NCK2: variants seen among roughly 807,000 people sequenced by gnomAD.
NCK2 encodes the protein cytoplasmic protein NCK2.
In NCK2, 16 loss-of-function variants were observed where a neutral mutation model predicts 33.9. The observed-to-expected ratio is 0.47, with a 90% CI of 0.32 to 0.72. NCK2 has a LOEUF of 0.72. Ranked by LOEUF, NCK2 falls within the 30% of genes least tolerant of loss-of-function variation. The pLI is 0.03. For synonymous variants in NCK2, 273 were observed against 239.9 expected (o/e 1.14, Z -1.27); for missense variants, 418 against 537.3 (o/e 0.78, Z 2.19).
At chr2:105,871,062 G>A (rs1055206755) in intron 3 of NCK2, among the ~76,000 whole-genome samples, 3 of 152,144 alleles carry the variant, frequency 2.0e-5, no homozygotes, top group African/African-American at 7.2e-5. Context: ...GGAGGTGCCT[G>A]TCACTGCAGA....
intron 4 of NCK2, among the ~76,000 whole-genome samples, chr2:105,884,055 C>T (rs970728087): frequency 4.4e-4 from 67 of 152,232 alleles, no homozygotes; most frequent in Non-Finnish European, 7.4e-5. Context: ...AGTGTGCATG[C>T]CTTGTTCCAT....
At chr2:105,889,095 G>A (rs1678852317) in intron 4 of NCK2, among the ~76,000 whole-genome samples, 1 of 152,228 alleles carries the variant, frequency 6.6e-6, no homozygotes, top group South Asian at 2.1e-4. Context: ...TGATGGAGTT[G>A]CTTTCATGGG....
intron 2 of NCK2, among the ~76,000 whole-genome samples, chr2:105,837,892 T>C (rs915151685): frequency 4.0e-4 from 61 of 152,246 alleles, no homozygotes; most frequent in African/African-American, 1.4e-3. Context: ...TGACTGTGTA[T>C]TTTGCCTGCT....
intron 1 of NCK2, among the ~76,000 whole-genome samples, chr2:105,754,634 T>TG (rs1573553781): frequency 6.6e-6 from 1 of 151,868 alleles, no homozygotes; most frequent in African/African-American, 2.4e-5. Context: ...TGTGGGAGGT[T>TG]GGGGGGAGCT....
At chr2:105,876,077 A>G (rs1678224793) in intron 3 of NCK2, among the ~76,000 whole-genome samples, 1 of 152,174 alleles carries the variant, frequency 6.6e-6, no homozygotes, top group South Asian at 2.1e-4. Context: ...ATGCTGCTTC[A>G]TCTAATACAC....
chr2:105,850,955 G>A (rs952565920), intron 2 of NCK2, among the ~76,000 whole-genome samples: 27 of 152,150 alleles, frequency 1.8e-4, no homozygotes, highest in Non-Finnish European at 3.4e-4. Context: ...AAGAAACAGC[G>A]TCCAAGGGAT....
chr2:105,823,132 C>CTGTGTGTG (rs10610689), intron 2 of NCK2, among the ~76,000 whole-genome samples: 2,307 of 148,570 alleles, frequency 0.016, 27 homozygotes, highest in South Asian at 0.031. Context: ...TCCTCTCATG[C>CTGTGTGTG]TGTGTGTGTG....
At chr2:105,857,047 T>TTTTTTTTTTA (rs1553460690) in intron 3 of NCK2, 9 of 130,764 alleles carry the variant, frequency 6.9e-5, no homozygotes, top group South Asian at 2.4e-4. Context: ...TTTTTTTTTT[T>TTTTTTTTTTA]TTGTATTTAC....
At chr2:105,892,953 G>C (rs780958750) in intron 4 of NCK2, 29 bp from the exon 5 acceptor site, 5 of 1,584,012 alleles carry the variant, frequency 3.2e-6, no homozygotes. Context: ...CTGTGGCCCG[G>C]CTGTAACTGT....
intron 1 of NCK2, among the ~76,000 whole-genome samples, chr2:105,791,025 C>T (rs537934112): frequency 2.6e-5 from 4 of 152,188 alleles, no homozygotes; most frequent in African/African-American, 9.6e-5. Flanking sequence ...AGAGGTTGTC[C>T]GCTCCCACTC....
At chr2:105,790,856 G>C (rs1193307234) in intron 1 of NCK2, among the ~76,000 whole-genome samples, 4 of 152,200 alleles carry the variant, frequency 2.6e-5, no homozygotes, top group Non-Finnish European at 1.5e-5. Flanking sequence ...AGAAGGAAGG[G>C]TGTGGCAGGT....
intron 1 of NCK2, among the ~76,000 whole-genome samples, chr2:105,762,964 G>A (rs966919549): frequency 3.3e-5 from 5 of 152,212 alleles, no homozygotes; most frequent in African/African-American, 2.4e-5. Flanking sequence ...GGAGGCCGAC[G>A]TAGGCGGATT....
chr2:105,768,994 G>A (rs2104374325), intron 1 of NCK2, among the ~76,000 whole-genome samples: 1 of 152,236 alleles, frequency 6.6e-6, no homozygotes, highest in East Asian at 1.9e-4. Flanking sequence ...GGGGTGTAGG[G>A]GGTGCAGAAA....
intron 4 of NCK2, 32 bp downstream of exon 4, chr2:105,882,081 A>C: frequency 1.4e-6 from 2 of 1,480,714 alleles, no homozygotes; most frequent in Non-Finnish European, 1.8e-6. Context: ...CTCCGGCTGC[A>C]GGCAGTAAAT....
chr2:105,848,176 C>G (rs1676925701), intron 2 of NCK2, among the ~76,000 whole-genome samples: 1 of 152,298 alleles, frequency 6.6e-6, no homozygotes, highest in South Asian at 2.1e-4. Flanking sequence ...TTAGGTATTT[C>G]CTGTAGACTG....
At chr2:105,778,917 A>C (rs1373136616) in intron 1 of NCK2, among the ~76,000 whole-genome samples, 1 of 152,036 alleles carries the variant, frequency 6.6e-6, no homozygotes, top group Non-Finnish European at 1.5e-5. Flanking sequence ...TTTTTTTTCA[A>C]GAGCTTTAAG....
intron 2 of NCK2, among the ~76,000 whole-genome samples, chr2:105,834,796 G>A (rs949671212): frequency 3.3e-5 from 5 of 151,872 alleles, no homozygotes; most frequent in Admixed American, 6.5e-5. Flanking sequence ...TCAGCCTCCC[G>A]GGTAGCTGGG....
chr2:105,892,181 T>A (rs1209413764), intron 4 of NCK2, among the ~76,000 whole-genome samples: 1 of 150,866 alleles, frequency 6.6e-6, no homozygotes, highest in Non-Finnish European at 1.5e-5. Context: ...CAAAACTGCG[T>A]CTCAAAAAAA....
At chr2:105,775,679 A>G (rs1690275355) in intron 1 of NCK2, among the ~76,000 whole-genome samples, 1 of 152,152 alleles carries the variant, frequency 6.6e-6, no homozygotes, top group South Asian at 2.1e-4. Flanking sequence ...CTGTTTGAAA[A>G]TTAGCTTCCT....
Sources: allele counts gnomAD v4.1 joint callset (sites outside exome capture counted in the v4.1 genomes callset), GRCh38; gene constraint gnomAD v4.1.1; transcripts MANE v1.5; gene names NCBI Gene and HGNC (gene_info 2026-07-23, HGNC 2026-07-21).